CAMK2D: variants seen among roughly 807,000 people sequenced by gnomAD.
CAMK2D encodes the protein calcium/calmodulin dependent protein kinase II delta.
CAMK2D carries 37 observed loss-of-function variants against 84.0 expected under a neutral mutation model. The observed-to-expected ratio is 0.44, with a 90% CI of 0.34 to 0.58. CAMK2D has a LOEUF of 0.58. Among genes scored for constraint, CAMK2D ranks in the 20% least tolerant of loss-of-function variants. CAMK2D has a pLI of 0.02. For missense variants in CAMK2D, 448 were observed against 652.5 expected (o/e 0.69, Z 3.41); for synonymous variants, 202 against 212.5 (o/e 0.95, Z 0.43).
chr4:113,482,354 C>A (rs1025455615), intron 16 of CAMK2D, among the ~76,000 whole-genome samples: 4 of 151,824 alleles, frequency 2.6e-5, no homozygotes, highest in Non-Finnish European at 5.9e-5. Context: ...ACTAAGGAGA[C>A]AAAGAAATTA....
chr4:113,468,796 C>A (rs1036286652), intron 16 of CAMK2D, among the ~76,000 whole-genome samples: 1 of 152,120 alleles, frequency 6.6e-6, no homozygotes, highest in Non-Finnish European at 1.5e-5. Context: ...CCTAATTATA[C>A]CACGATGAAT....
At chr4:113,643,282 T>TA (rs2099139403) in intron 3 of CAMK2D, among the ~76,000 whole-genome samples, 1 of 152,262 alleles carries the variant, frequency 6.6e-6, no homozygotes, top group South Asian at 2.1e-4. Flanking sequence ...AAAAAGTTTT[T>TA]AAAAAAAGTC....
chr4:113,649,846 C>G (rs1378270007), intron 3 of CAMK2D, among the ~76,000 whole-genome samples: 2 of 152,122 alleles, frequency 1.3e-5, no homozygotes, highest in Admixed American at 1.3e-4. Context: ...CTTTGGGAGG[C>G]CGAGGTGGGC....
At chr4:113,555,556 C>T (rs1403387926) in intron 4 of CAMK2D, among the ~76,000 whole-genome samples, 1 of 152,132 alleles carries the variant, frequency 6.6e-6, no homozygotes. Context: ...AGAATCACCA[C>T]AATCAGATTT....
intron 2 of CAMK2D, among the ~76,000 whole-genome samples, chr4:113,708,439 T>A (rs767433236): frequency 6.6e-6 from 1 of 152,200 alleles, no homozygotes; most frequent in Non-Finnish European, 1.5e-5. Flanking sequence ...GAGGAACTGG[T>A]GATGTTTGCC....
At chr4:113,688,910 CAAAAA>C (rs34196728) in intron 2 of CAMK2D, among the ~76,000 whole-genome samples, 7,381 of 50,316 alleles carry the variant, frequency 0.15, 430 homozygotes, top group Middle Eastern at 0.26. Flanking sequence ...AAAGAAGATG[CAAAAA>C]AAAAAAAAAA....
intron 16 of CAMK2D, among the ~76,000 whole-genome samples, chr4:113,476,737 C>G (rs906580379): frequency 6.6e-6 from 1 of 152,172 alleles, no homozygotes; most frequent in African/African-American, 2.4e-5. Flanking sequence ...TATATAACTT[C>G]TTCAATTACC....
At chr4:113,658,328 T>C (rs1486599508) in intron 3 of CAMK2D, among the ~76,000 whole-genome samples, 2 of 152,164 alleles carry the variant, frequency 1.3e-5, no homozygotes, top group Non-Finnish European at 2.9e-5. Context: ...ATTTCTCTCA[T>C]TAGATAAAAA....
chr4:113,457,133 T>C (rs894439868), intron 19 of CAMK2D: 8 of 1,357,020 alleles, frequency 5.9e-6, no homozygotes, highest in Middle Eastern at 2.5e-4. Context: ...TACTGCTCTA[T>C]AGCAAGTTTC....
intron 2 of CAMK2D, among the ~76,000 whole-genome samples, chr4:113,668,990 T>C (rs1468076362): frequency 6.6e-6 from 1 of 152,182 alleles, no homozygotes; most frequent in Admixed American, 6.5e-5. Context: ...TGTAAAGGAA[T>C]AAATATTGAT....
Position 113,537,404 on chromosome 4 carries a change from C to A in CAMK2D, c.454G>T (p.Ala152Ser), listed in dbSNP as rs1300916212. Residue 152 changes from alanine to serine, a missense_variant, in exon 7 of 21, where the codon GCT becomes TCT. Transcript: ENST00000511664. ...LLLASKSKGA[A>S]VKLADFGLAI... ...AAGCCAAAGTCTGCCAATTTCACAG[C>A]TGCTCCCTTGGATTTGCTAGCTAAA... 1.9e-6 allele frequency: 3 copies of A among 1,613,038 alleles called. No individual in the cohort carries two copies. The highest frequency in any genetic ancestry group is 2.7e-5 in the African/African-American group (2 of 74,862).
chr4:113,488,236 T>G (rs1218864757), intron 16 of CAMK2D, among the ~76,000 whole-genome samples: 1 of 152,182 alleles, frequency 6.6e-6, no homozygotes, highest in Non-Finnish European at 1.5e-5. Context: ...ATAATCAACA[T>G]TTATGTAACT....
intron 2 of CAMK2D, among the ~76,000 whole-genome samples, chr4:113,662,177 T>C (rs899560178): frequency 6.6e-6 from 1 of 152,168 alleles, no homozygotes; most frequent in African/African-American, 2.4e-5. Context: ...CTAAGTCAGG[T>C]AATTATATTT....
Position 113,677,531 on chromosome 4 carries a change from G to A in CAMK2D, c.161-15759C>T, listed in dbSNP as rs1206935811. ...ACTTCCTTCTTGAAGGAACTTGCTC[G>A]TCTTACTTCCGTCAGACATGAGGAT... On this transcript the variant is annotated intron_variant, in intron 2 of 20. Transcript: ENST00000511664. 2.7e-5 allele frequency: 26 copies of A among 973,466 alleles called. No individual in the cohort carries two copies. The Admixed American group carries it at 1.0e-3, about 39-fold the overall frequency. 60.3% of individuals were successfully genotyped at this position (973,466 alleles called of 1,614,324 possible). A position where few individuals can be genotyped will look rare whatever the true frequency, so the allele number is the denominator to read the frequency against.
At chr4:113,705,130 A>G (rs2099441624) in intron 2 of CAMK2D, among the ~76,000 whole-genome samples, 1 of 151,086 alleles carries the variant, frequency 6.6e-6, no homozygotes, top group Non-Finnish European at 1.5e-5. Flanking sequence ...ATCCTGGCTA[A>G]CATGGTGAAA....
At chr4:113,462,265 A>AGT (rs1358075553) in intron 17 of CAMK2D, among the ~76,000 whole-genome samples, 3 of 93,248 alleles carry the variant, frequency 3.2e-5, no homozygotes, top group African/African-American at 5.1e-5. Context: ...TATATTTGGA[A>AGT]ATGTGTGTGT....
At chr4:113,700,102 CAG>C (rs2099413577) in intron 2 of CAMK2D, among the ~76,000 whole-genome samples, 1 of 152,060 alleles carries the variant, frequency 6.6e-6, no homozygotes, top group Admixed American at 6.6e-5. Flanking sequence ...GAATTTATTT[CAG>C]AGTTACTGAT....
At chr4:113,716,178 C>T (rs551500480) in intron 2 of CAMK2D, among the ~76,000 whole-genome samples, 10 of 152,256 alleles carry the variant, frequency 6.6e-5, no homozygotes, top group Non-Finnish European at 1.0e-4. Flanking sequence ...ATTTAGTCTA[C>T]GATTTCTATC....
intron 3 of CAMK2D, among the ~76,000 whole-genome samples, chr4:113,661,294 A>T (rs995813323): frequency 2.0e-5 from 3 of 151,936 alleles, no homozygotes; most frequent in Admixed American, 1.3e-4. Flanking sequence ...TCATTATACG[A>T]CTCTACAGAA....
Sources: gnomAD v4.1 joint callset for allele counts (sites outside exome capture counted in the v4.1 genomes callset) on GRCh38, gnomAD v4.1.1 for gene constraint, MANE v1.5 for transcripts, NCBI Gene and HGNC (gene_info 2026-07-23, HGNC 2026-07-21) for gene names.